The following SHB variants were observed in gnomAD, a reference collection of about 807,000 sequenced individuals.
SHB encodes SH2 domain containing adaptor protein B.
SHB carries 20 observed loss-of-function variants against 52.3 expected under a neutral mutation model. The ratio of observed to expected loss-of-function variants is 0.38; its 90% confidence interval spans 0.27 to 0.56. The LOEUF is 0.56. Ranked by LOEUF, SHB falls within the 20% of genes least tolerant of loss-of-function variation. SHB has a pLI of 0.71. For missense variants in SHB, 825 were observed against 723.3 expected (o/e 1.14, Z -1.61); for synonymous variants, 397 against 316.5 (o/e 1.25, Z -2.70).
intron 4 of SHB, among the ~76,000 whole-genome samples, chr9:37,952,563 G>T (rs1187199868): frequency 6.6e-6 from 1 of 152,188 alleles, no homozygotes; most frequent in Non-Finnish European, 1.5e-5. Flanking sequence ...AGTCAGTCAG[G>T]TTGGCGTGAG....
intron 1 of SHB, 29 bp downstream of exon 1, chr9:38,067,900 C>T (rs367880459): frequency 1.4e-6 from 2 of 1,435,634 alleles, no homozygotes; most frequent in African/African-American, 1.5e-5. Context: ...GGCTCTGGAA[C>T]CTCGGGAAGA....
intron 5 of SHB, among the ~76,000 whole-genome samples, chr9:37,925,904 C>T (rs776416567): frequency 2.6e-5 from 4 of 152,140 alleles, no homozygotes; most frequent in South Asian, 4.1e-4. Context: ...AGGGAGGTGT[C>T]GCAGGTCCCT....
At position 37,916,449 on chromosome 9, in the gene SHB, A is replaced by G. The variant is rs921670419; in HGVS notation, c.*3372T>C. Among the ~76,000 whole-genome samples, 1 of 152,178 alleles carries G rather than the reference A, an allele frequency of 6.6e-6. No homozygotes were observed. The highest frequency in any genetic ancestry group is 2.4e-5 in the African/African-American group (1 of 41,452). ...GAGACAGCGTCTGGGGAGCTACCGG[A>G]ACTTCGTGTTCAGCATCTTACAAAG... On this transcript the variant is annotated 3_prime_UTR_variant, in exon 6 of 6. Coordinates refer to ENST00000377707, the MANE Select transcript of SHB (RefSeq NM_003028.3).
At chr9:37,952,621 G>A (rs79872502) in intron 4 of SHB, among the ~76,000 whole-genome samples, 3,745 of 152,270 alleles carry the variant, frequency 0.025, 86 homozygotes, top group East Asian at 0.087. Flanking sequence ...TAGTTCACAC[G>A]GCAGGTGGCC....
At chr9:38,035,717 C>T (rs1209738532) in intron 1 of SHB, among the ~76,000 whole-genome samples, 1 of 152,086 alleles carries the variant, frequency 6.6e-6, no homozygotes, top group Non-Finnish European at 1.5e-5. Flanking sequence ...CTGTAAATTA[C>T]CATATAGAAA....
chr9:37,968,547 A>G (rs1203553401), intron 3 of SHB, among the ~76,000 whole-genome samples: 1 of 152,238 alleles, frequency 6.6e-6, no homozygotes, highest in Non-Finnish European at 1.5e-5. Flanking sequence ...GCTATGAGGC[A>G]GACCTGGCTG....
At chr9:37,987,308 C>T (rs1281178842) in intron 2 of SHB, among the ~76,000 whole-genome samples, 1 of 152,260 alleles carries the variant, frequency 6.6e-6, no homozygotes. Context: ...TCGTTTAACT[C>T]TCAAGACAAC....
At chr9:38,030,224 G>C (rs997052235) in intron 1 of SHB, among the ~76,000 whole-genome samples, 1 of 152,172 alleles carries the variant, frequency 6.6e-6, no homozygotes, top group Non-Finnish European at 1.5e-5. Flanking sequence ...GTCTGGCCTG[G>C]GGCAGGGGAC....
At chr9:37,992,159 G>A (rs1820889736) in intron 2 of SHB, among the ~76,000 whole-genome samples, 1 of 152,200 alleles carries the variant, frequency 6.6e-6, no homozygotes, top group African/African-American at 2.4e-5. Flanking sequence ...CCAGCACTTT[G>A]AGAGGCCGAG....
chr9:37,989,072 C>A lies in SHB; in HGVS notation c.839-14235G>T, dbSNP rs1006324032. On this transcript the variant is annotated intron_variant, in intron 2 of 5. Transcript: ENST00000377707. ...TTTTTTATAAATCTCTCTGCACATG[C>A]ACATACACACACACACACTCTCTCT... Among the ~76,000 whole-genome samples the A allele has an allele frequency of 3.5e-5, 4 of 114,600 alleles. No individual in the cohort carries two copies. In the East Asian group the frequency reaches 1.3e-3, roughly 37 times the overall value. 75.2% of individuals were successfully genotyped at this position (114,600 alleles called of 152,430 possible). A position where few individuals can be genotyped will look rare whatever the true frequency, so the allele number is the denominator to read the frequency against.
At chr9:38,021,965 G>C (rs1293394053) in intron 1 of SHB, among the ~76,000 whole-genome samples, 1 of 152,232 alleles carries the variant, frequency 6.6e-6, no homozygotes, top group Non-Finnish European at 1.5e-5. Context: ...CGGAAAGTGA[G>C]GGGGCAGCAC....
At chr9:38,065,560 TA>T (rs993903108) in intron 1 of SHB, among the ~76,000 whole-genome samples, 3 of 152,160 alleles carry the variant, frequency 2.0e-5, no homozygotes, top group African/African-American at 7.2e-5. Flanking sequence ...ATAGGTGCAC[TA>T]AAGTTTGAGG....
intron 3 of SHB, among the ~76,000 whole-genome samples, chr9:37,970,410 C>T (rs1820577090): frequency 6.6e-6 from 1 of 152,194 alleles, no homozygotes; most frequent in Non-Finnish European, 1.5e-5. Flanking sequence ...ACTGAGCCTT[C>T]CGCGGTGGCA....
chr9:37,962,242 C>G (rs1168314797), intron 3 of SHB, among the ~76,000 whole-genome samples: 2 of 152,166 alleles, frequency 1.3e-5, no homozygotes, highest in African/African-American at 4.8e-5. Context: ...TATCAGAAAC[C>G]ACCCCTTTTT....
At chr9:37,926,306 T>G (rs1376118187) in intron 5 of SHB, among the ~76,000 whole-genome samples, 2 of 151,736 alleles carry the variant, frequency 1.3e-5, no homozygotes, top group African/African-American at 4.8e-5. Context: ...AGTGGGACAT[T>G]TTGCTAGGTC....
rs977735555 is a variant in SHB, at chr9:38,048,282, C to T, written c.717+19647G>A. Among the ~76,000 whole-genome samples the T allele has an allele frequency of 5.3e-5, 8 of 152,162 alleles. No individual in the cohort carries two copies. The East Asian group carries it at 1.5e-3, about 29-fold the overall frequency. ...CTTCCAGTCTTTTTTCTACATATGTCGGTGGGAATGCAGTAATTGGAAAAG... is the reference window on the plus strand; with the variant it reads ...CTTCCAGTCTTTTTTCTACATATGTTGGTGGGAATGCAGTAATTGGAAAAG... On this transcript the variant is annotated intron_variant, in intron 1 of 5. Transcript: ENST00000377707.
chr9:38,029,458 C>T (rs62536868), intron 1 of SHB, among the ~76,000 whole-genome samples: 2,426 of 152,158 alleles, frequency 0.016, 23 homozygotes, highest in Admixed American at 0.027. Flanking sequence ...AATACCAAGA[C>T]CTACCCTCAT....
intron 2 of SHB, among the ~76,000 whole-genome samples, chr9:37,986,374 A>G (rs1170415646): frequency 6.6e-6 from 1 of 152,060 alleles, no homozygotes; most frequent in Non-Finnish European, 1.5e-5. Context: ...CTCATGAGGT[A>G]GAAGGAAACA....
At chr9:38,021,757 G>C (rs1821284753) in intron 1 of SHB, among the ~76,000 whole-genome samples, 1 of 152,142 alleles carries the variant, frequency 6.6e-6, no homozygotes, top group Non-Finnish European at 1.5e-5. Flanking sequence ...ATTGCCCCAT[G>C]GTCACCTTCA....
Sources: gnomAD v4.1 joint callset for allele counts (sites outside exome capture counted in the v4.1 genomes callset) on GRCh38, gnomAD v4.1.1 for gene constraint, MANE v1.5 for transcripts, NCBI Gene and HGNC (gene_info 2026-07-23, HGNC 2026-07-21) for gene names.